Variants in EMP2 observed in about 807,000 individuals in gnomAD.
EMP2 encodes the protein epithelial membrane protein 2.
In EMP2, 19 loss-of-function variants were observed where a neutral mutation model predicts 13.7. The observed-to-expected ratio is 1.38, with a 90% CI of 0.97 to 2.03. The LOEUF (loss-of-function observed/expected upper bound fraction) is 2.03. EMP2 is among the 30% of genes most tolerant of loss of function. EMP2 has a pLI of 0.00. For missense variants in EMP2, 253 were observed against 220.7 expected (o/e 1.15, Z -0.93); for synonymous variants, 97 against 84.7 (o/e 1.15, Z -0.80).
intron 2 of EMP2, chr16:10,547,132 T>C (rs1170456850): frequency 6.3e-6 from 1 of 157,894 alleles, no homozygotes; most frequent in Non-Finnish European, 1.4e-5. Flanking sequence ...CAACCTGTGA[T>C]ATGGTTCGGC....
In EMP2 at chr16:10,531,973, G is replaced by T. The variant is rs148033494; in HGVS notation, c.*932C>A. 352 of 154,922 alleles carry T rather than the reference G, an allele frequency of 2.3e-3. 1 individual carries two copies. The highest frequency in any genetic ancestry group is 7.7e-3 in the African/African-American group (319 of 41,618). The allele number at this position is 154,922 out of a possible 1,614,324, so 9.6% of individuals were successfully genotyped here. On this transcript the variant is annotated 3_prime_UTR_variant, in exon 5 of 5. Coordinates refer to ENST00000359543, the MANE Select transcript of EMP2 (RefSeq NM_001424.6). ...ATGGAGTTTTGGGGCCCTAGATGTAGACAGCTGTGGCGATGGAGGCCAAGG... is the reference window on the plus strand; with the variant it reads ...ATGGAGTTTTGGGGCCCTAGATGTATACAGCTGTGGCGATGGAGGCCAAGG...
At chr16:10,548,739 C>T (rs1276911088) in intron 1 of EMP2, among the ~76,000 whole-genome samples, 1 of 151,976 alleles carries the variant, frequency 6.6e-6, no homozygotes, top group Non-Finnish European at 1.5e-5. Context: ...AAAATAAATA[C>T]CCACTCAGAC....
chr16:10,556,496 C>G, intron 1 of EMP2, among the ~76,000 whole-genome samples: 1 of 152,216 alleles, frequency 6.6e-6, no homozygotes, highest in African/African-American at 2.4e-5. Context: ...CCATGTGTGG[C>G]ACTTTTCAGG....
At chr16:10,537,894 G>C in intron 4 of EMP2, 34 bp downstream of exon 4, 1 of 1,606,538 alleles carries the variant, frequency 6.2e-7, no homozygotes, top group Non-Finnish European at 8.5e-7. Context: ...ATTCCAGAAA[G>C]CCCCTTGTTA....
chr16:10,533,147 G>GC, intron 4 of EMP2, 55 bp from the exon 5 acceptor site: 6 of 1,415,016 alleles, frequency 4.2e-6, no homozygotes, highest in Non-Finnish European at 5.6e-6. Flanking sequence ...TGCACCCTGG[G>GC]TAGCCCAGGG....
chr16:10,539,308 A>G (rs11074889), intron 3 of EMP2, among the ~76,000 whole-genome samples: 123,068 of 152,054 alleles, frequency 0.81, 50,087 homozygotes, highest in South Asian at 0.86. Flanking sequence ...TGGAGTGAAC[A>G]TAATTGGTAA....
At chr16:10,573,930 CTTTT>C (rs371646297) in intron 1 of EMP2, among the ~76,000 whole-genome samples, 1 of 83,172 alleles carries the variant, frequency 1.2e-5, no homozygotes, top group Non-Finnish European at 2.2e-5. Context: ...ATGGATAAAC[CTTTT>C]TTTTTTTTTT....
chr16:10,558,037 T>G (rs1014356306), intron 1 of EMP2, among the ~76,000 whole-genome samples: 23 of 151,582 alleles, frequency 1.5e-4, no homozygotes, highest in Admixed American at 3.3e-4. Context: ...TCAAGTTTTT[T>G]TTTTTTTTTT....
intron 1 of EMP2, among the ~76,000 whole-genome samples, chr16:10,566,068 T>C (rs1026745663): frequency 6.6e-6 from 1 of 152,144 alleles, no homozygotes; most frequent in African/African-American, 2.4e-5. Context: ...TAGCATCCAG[T>C]TTCCATCTGA....
chr16:10,573,339 A>C (rs4780949), intron 1 of EMP2, among the ~76,000 whole-genome samples: 23,442 of 152,154 alleles, frequency 0.15, 2,418 homozygotes, highest in East Asian at 0.43. Flanking sequence ...GGCCTGAGCC[A>C]CCACACCTGG....
At chr16:10,563,709 G>A (rs1304101291) in intron 1 of EMP2, among the ~76,000 whole-genome samples, 1 of 152,222 alleles carries the variant, frequency 6.6e-6, no homozygotes, top group African/African-American at 2.4e-5. Flanking sequence ...AATGAGGTAA[G>A]AGCACAGACT....
chr16:10,553,469 G>A (rs2142190428), intron 1 of EMP2, among the ~76,000 whole-genome samples: 1 of 152,186 alleles, frequency 6.6e-6, no homozygotes, highest in East Asian at 1.9e-4. Context: ...AGGCCCCGGT[G>A]CAGTGCTTTG....
rs1261269940 is a variant in EMP2 at position 10,530,477 on chromosome 16, A to G, written c.*2428T>C. On this transcript the variant is annotated 3_prime_UTR_variant, in exon 5 of 5. Transcript: ENST00000359543. Reference sequence around the variant, plus strand: ...GAAGGTCAAGTGCAAAAGTATTTAAATAGCACGAGGTCCCACACCCCATCC... The same window carrying G: ...GAAGGTCAAGTGCAAAAGTATTTAAGTAGCACGAGGTCCCACACCCCATCC... 2 of 152,604 alleles carry G rather than the reference A, an allele frequency of 1.3e-5. No individual in the cohort carries two copies. Among genetic ancestry groups the G allele is most frequent in the Non-Finnish European group, 2.9e-5 (2 of 68,064 alleles). 9.5% of individuals were successfully genotyped at this position (152,604 alleles called of 1,614,324 possible).
intron 1 of EMP2, among the ~76,000 whole-genome samples, chr16:10,555,895 C>G (rs1421964628): frequency 6.6e-6 from 1 of 152,160 alleles, no homozygotes; most frequent in African/African-American, 2.4e-5. Context: ...CCAAAGCAAT[C>G]ACTTTTAATC....
chr16:10,568,780 C>CTTTTT lies in EMP2; in HGVS notation c.-61+11764_-61+11768dup, dbSNP rs58406598. The stretch of plus-strand genomic sequence containing the variant: ...GTGTGGATTCTTGTGCTAGGATTTT[C>CTTTTT]TTTTTTTTTTTTTTTTTTTTTTTGA... On this transcript the variant is annotated intron_variant, in intron 1 of 4. Transcript: ENST00000359543. Among the ~76,000 whole-genome samples the CTTTTT allele has an allele frequency of 7.5e-3, 635 of 85,194 alleles. 34 individuals are homozygous for CTTTTT. The highest frequency in any genetic ancestry group is 0.018 in the East Asian group (49 of 2,670). 55.9% of individuals were successfully genotyped at this position (85,194 alleles called of 152,430 possible).
chr16:10,562,552 T>C (rs1434481958), intron 1 of EMP2, among the ~76,000 whole-genome samples: 1 of 152,060 alleles, frequency 6.6e-6, no homozygotes, highest in Non-Finnish European at 1.5e-5. Flanking sequence ...CACAGACACA[T>C]GAATGAGCCC....
intron 3 of EMP2, among the ~76,000 whole-genome samples, chr16:10,541,508 C>T (rs977247982): frequency 3.9e-5 from 6 of 152,142 alleles, no homozygotes; most frequent in African/African-American, 1.4e-4. Flanking sequence ...CAGCGGTTCG[C>T]CAACCCCTGT....
chr16:10,560,083 C>T (rs1227372373), intron 1 of EMP2, among the ~76,000 whole-genome samples: 1 of 152,196 alleles, frequency 6.6e-6, no homozygotes, highest in Non-Finnish European at 1.5e-5. Context: ...AGCAGCGTGG[C>T]ACCAGAGAAA....
intron 1 of EMP2, among the ~76,000 whole-genome samples, chr16:10,549,355 A>C (rs756500378): frequency 1.8e-4 from 28 of 152,236 alleles, no homozygotes; most frequent in Non-Finnish European, 3.4e-4. Context: ...TCTGAGCTGG[A>C]GAAGTTCCCA....
Sources: allele counts gnomAD v4.1 joint callset (sites outside exome capture counted in the v4.1 genomes callset), GRCh38; gene constraint gnomAD v4.1.1; transcripts MANE v1.5; gene names NCBI Gene and HGNC (gene_info 2026-07-23, HGNC 2026-07-21).